MRLN: variants seen among roughly 807,000 people sequenced by gnomAD.
MRLN encodes myoregulin.
intron 2 of MRLN, among the ~76,000 whole-genome samples, chr10:59,737,691 CT>C (rs1194613603): frequency 2.4e-4 from 36 of 151,398 alleles, no homozygotes; most frequent in Admixed American, 1.1e-3. Flanking sequence ...CCTCAAGATC[CT>C]GTCTGTCATG....
At chr10:59,740,801 TTTC>T (rs1402288510) in intron 1 of MRLN, among the ~76,000 whole-genome samples, 96 of 148,096 alleles carry the variant, frequency 6.5e-4, no homozygotes, top group Admixed American at 3.4e-3. Context: ...TCTTTCTTTC[TTTC>T]TTTTTTTTTT....
At chr10:59,751,992 T>C (rs977281068) in intron 1 of MRLN, among the ~76,000 whole-genome samples, 5 of 152,194 alleles carry the variant, frequency 3.3e-5, no homozygotes, top group African/African-American at 1.2e-4. Context: ...AGAAAAATGT[T>C]AGAATGCTGA....
At chr10:59,745,300 G>A (rs1841032204) in intron 1 of MRLN, among the ~76,000 whole-genome samples, 1 of 152,038 alleles carries the variant, frequency 6.6e-6, no homozygotes, top group African/African-American at 2.4e-5. Flanking sequence ...AAACAAGTTA[G>A]GACACCTTAA....
chr10:59,748,381 G>C (rs1841064283), intron 1 of MRLN, among the ~76,000 whole-genome samples: 1 of 152,092 alleles, frequency 6.6e-6, no homozygotes, highest in African/African-American at 2.4e-5. Flanking sequence ...GCCCGAAGTT[G>C]AATTATATGA....
At position 59,740,804 on chromosome 10, in the gene MRLN, C is replaced by CTTTCT. The variant is rs1283091912; in HGVS notation, c.-124-2243_-124-2242insAGAAA. ...TCTTTCTTTCTTTCTTTCTTTCTTT[C>CTTTCT]TTTTTTTTTTGAGACAGAGTCTCTC... On this transcript the variant is annotated intron_variant, in intron 1 of 2. Transcript: ENST00000414264. Among the ~76,000 whole-genome samples the CTTTCT allele has an allele frequency of 4.6e-4, 25 of 54,686 alleles. No homozygotes were observed. The East Asian group carries it at 1.0e-2, about 22-fold the overall frequency. 35.9% of individuals were successfully genotyped at this position (54,686 alleles called of 152,430 possible).
At chr10:59,744,518 G>A (rs552886887) in intron 1 of MRLN, among the ~76,000 whole-genome samples, 9 of 148,756 alleles carry the variant, frequency 6.1e-5, no homozygotes, top group African/African-American at 1.2e-4. Context: ...CTGCCACCCC[G>A]TCTGGGAGGT....
At chr10:59,739,086 G>T (rs1315494453) in intron 1 of MRLN, 15 of 151,312 alleles carry the variant, frequency 9.9e-5, no homozygotes. Flanking sequence ...TGGTGCCACT[G>T]CACTCCAGCC....
chr10:59,752,003 T>C (rs2070161394), intron 1 of MRLN, among the ~76,000 whole-genome samples: 1 of 152,174 alleles, frequency 6.6e-6, no homozygotes, highest in South Asian at 2.1e-4. Flanking sequence ...AGAATGCTGA[T>C]TATAATAGAG....
At chr10:59,752,092 A>G (rs1210308906) in intron 1 of MRLN, among the ~76,000 whole-genome samples, 1 of 152,242 alleles carries the variant, frequency 6.6e-6, no homozygotes, top group Non-Finnish European at 1.5e-5. Context: ...TCTTAGCTGT[A>G]GACTTAATGT....
intron 1 of MRLN, among the ~76,000 whole-genome samples, chr10:59,747,047 G>A (rs1035034016): frequency 1.5e-4 from 23 of 152,270 alleles, no homozygotes; most frequent in African/African-American, 3.1e-4. Flanking sequence ...TGATCCGTCC[G>A]CCTCATCCTC....
At position 59,737,158 on chromosome 10, in the gene MRLN, TG is replaced by T. The variant is rs1238256119; in HGVS notation, c.42del (p.Ser16ValfsTer2). The T allele has an allele frequency of 5.0e-6, 2 of 398,066 alleles. No individual in the cohort carries two copies. 24.7% of individuals were successfully genotyped at this position (398,066 alleles called of 1,614,324 possible). ...CCCACAATTTCATCTTCTAGACTTTTGGGAGTAGTAGTAGAAATTAATATCC... is the reference window on the plus strand; with the variant it reads ...CCCACAATTTCATCTTCTAGACTTTTGGAGTAGTAGTAGAAATTAATATCC... ...KNWILISTTT[P>X]KSLEDEIVGR... On this transcript the variant is annotated frameshift_variant, in exon 3 of 3. Transcript: ENST00000414264. LOFTEE classifies it high-confidence loss of function.
At chr10:59,737,309 T>C (rs1283517391) in intron 2 of MRLN, 89 bp from the exon 3 acceptor site, 12 of 378,850 alleles carry the variant, frequency 3.2e-5, no homozygotes, top group Admixed American at 4.5e-5. Context: ...TATAAAAAGA[T>C]TGTGAACAAG....
At chr10:59,740,594 G>GA (rs1219816403) in intron 1 of MRLN, among the ~76,000 whole-genome samples, 1 of 151,858 alleles carries the variant, frequency 6.6e-6, no homozygotes, top group African/African-American at 2.4e-5. Flanking sequence ...AATTTTGATA[G>GA]AAAAAAGCTT....
At chr10:59,743,919 G>A (rs1244119830) in intron 1 of MRLN, among the ~76,000 whole-genome samples, 1 of 152,202 alleles carries the variant, frequency 6.6e-6, no homozygotes, top group African/African-American at 2.4e-5. Context: ...GCCAGCCTCC[G>A]CCTCTCAGGT....
chr10:59,751,263 G>T (rs570725062), intron 1 of MRLN, among the ~76,000 whole-genome samples: 1 of 152,314 alleles, frequency 6.6e-6, no homozygotes, highest in African/African-American at 2.4e-5. Flanking sequence ...ATTTTCCACA[G>T]AGCTTGGAAC....
At chr10:59,738,765 A>T (rs144038340) in intron 1 of MRLN, 33 of 152,344 alleles carry the variant, frequency 2.2e-4, no homozygotes, top group Admixed American at 7.8e-4. Flanking sequence ...AACATTGGAC[A>T]GAAAGATTAA....
intron 1 of MRLN, among the ~76,000 whole-genome samples, chr10:59,750,011 CTG>C (rs1841082942): frequency 6.7e-6 from 1 of 150,360 alleles, no homozygotes; most frequent in African/African-American, 2.4e-5. Flanking sequence ...TCAGGAGCCA[CTG>C]TGTTTCTCTT....
At chr10:59,743,433 G>C (rs1224048931) in intron 1 of MRLN, among the ~76,000 whole-genome samples, 1 of 152,086 alleles carries the variant, frequency 6.6e-6, no homozygotes, top group Admixed American at 6.5e-5. Context: ...ACATTTTAAT[G>C]AAAGTATGTA....
At chr10:59,742,445 G>A (rs1840993491) in intron 1 of MRLN, among the ~76,000 whole-genome samples, 2 of 152,198 alleles carry the variant, frequency 1.3e-5, no homozygotes, top group Admixed American at 6.5e-5. Context: ...ATGGTTGGCA[G>A]TAATGCAAGT....
Sources: allele counts gnomAD v4.1 joint callset (sites outside exome capture counted in the v4.1 genomes callset), GRCh38; gene constraint gnomAD v4.1.1; transcripts MANE v1.5; gene names NCBI Gene and HGNC (gene_info 2026-07-23, HGNC 2026-07-21).